ARHGAP32: variants seen among roughly 807,000 people sequenced by gnomAD.
ARHGAP32 encodes the protein rho GTPase-activating protein 32.
A neutral mutation model predicts 186.5 loss-of-function variants in ARHGAP32; 51 were observed. The ratio of observed to expected loss-of-function variants is 0.27; its 90% CI spans 0.22 to 0.35. The LOEUF (loss-of-function observed/expected upper bound fraction) is 0.35. ARHGAP32 is among the 10% of genes least tolerant of loss of function. The probability of loss-of-function intolerance (pLI) is 1.00; values close to 1 mark genes in which losing one functional copy is unlikely to be tolerated. For synonymous variants in ARHGAP32, 950 were observed against 964.3 expected, an observed-to-expected ratio of 0.99 and a Z score of 0.27; for missense variants, 2,186 against 2,623.5, an observed-to-expected ratio of 0.83 and a Z score of 3.64.
intron 6 of ARHGAP32, among the ~76,000 whole-genome samples, chr11:129,090,095 C>A (rs1483214214): frequency 1.3e-5 from 2 of 152,174 alleles, no homozygotes; most frequent in East Asian, 3.8e-4. Context: ...ATGACACCTA[C>A]CTTTCACAGA....
intron 11 of ARHGAP32, among the ~76,000 whole-genome samples, chr11:129,014,512 G>A (rs1479709681): frequency 4.6e-5 from 7 of 152,112 alleles, no homozygotes; most frequent in African/African-American, 1.7e-4. Flanking sequence ...AATTTCTGAG[G>A]GTGTATAGGA....
intron 6 of ARHGAP32, among the ~76,000 whole-genome samples, chr11:129,084,685 C>T (rs779854087): frequency 4.6e-5 from 7 of 152,146 alleles, no homozygotes; most frequent in Non-Finnish European, 1.0e-4. Context: ...CTACAAAAAA[C>T]GTACAGCTAA....
At chr11:129,196,266 A>G (rs1944388843), upstream of ARHGAP32, among the ~76,000 whole-genome samples, 2 of 152,186 alleles carry the variant, frequency 1.3e-5, no homozygotes, top group African/African-American at 2.4e-5. Context: ...TTCCGTATGC[A>G]TGGGTTCTGC....
At chr11:129,034,851 T>TA (rs35010486) in intron 11 of ARHGAP32, among the ~76,000 whole-genome samples, 21,600 of 137,052 alleles carry the variant, frequency 0.16, 1,811 homozygotes, top group African/African-American at 0.25. Flanking sequence ...GAAAACAGAG[T>TA]AAAAAAAAAA....
intron 1 of ARHGAP32, among the ~76,000 whole-genome samples, chr11:129,209,547 G>T (rs892848658): frequency 1.3e-5 from 2 of 152,022 alleles, no homozygotes; most frequent in Non-Finnish European, 2.9e-5. Flanking sequence ...TGCCTTGACA[G>T]GAGCTGAATT....
At chr11:129,035,034 AACAAAC>A (rs1185457730) in intron 11 of ARHGAP32, among the ~76,000 whole-genome samples, 2 of 152,180 alleles carry the variant, frequency 1.3e-5, no homozygotes, top group East Asian at 3.8e-4. Flanking sequence ...TTGCAAGCAA[AACAAAC>A]ACAAAGAAAA....
chr11:129,170,259 CATAGGT>C (rs1943731253), intron 1 of ARHGAP32, among the ~76,000 whole-genome samples: 1 of 146,374 alleles, frequency 6.8e-6, no homozygotes. Context: ...AGGTTTGTTA[CATAGGT>C]ATACATGTGC....
intron 10 of ARHGAP32, among the ~76,000 whole-genome samples, chr11:129,058,188 TACACACACACACAC>T (rs58479028): frequency 6.0e-5 from 8 of 133,920 alleles, no homozygotes; most frequent in South Asian, 4.8e-4. Context: ...AAAAAAAATA[TACACACACACACAC>T]ACACACACAC....
At chr11:129,106,726 G>T (rs1036120387) in intron 5 of ARHGAP32, among the ~76,000 whole-genome samples, 1 of 152,032 alleles carries the variant, frequency 6.6e-6, no homozygotes, top group African/African-American at 2.4e-5. Context: ...CTCAACAACA[G>T]ATTTGATCAA....
chr11:128,997,642 C>T (rs925044628), intron 12 of ARHGAP32, among the ~76,000 whole-genome samples: 1 of 151,994 alleles, frequency 6.6e-6, no homozygotes, highest in African/African-American at 2.4e-5. Context: ...TCCTATCCAT[C>T]CCCCCATCCA....
chr11:129,004,347 T>C (rs1252954326), intron 11 of ARHGAP32, among the ~76,000 whole-genome samples: 1 of 151,584 alleles, frequency 6.6e-6, no homozygotes, highest in African/African-American at 2.4e-5. Context: ...ATATGTATTC[T>C]GCAGCTGTTG....
At chr11:129,080,149 T>C (rs1000325694) in intron 6 of ARHGAP32, among the ~76,000 whole-genome samples, 2 of 152,028 alleles carry the variant, frequency 1.3e-5, no homozygotes, top group Non-Finnish European at 2.9e-5. Flanking sequence ...AACACAGTAA[T>C]AGTGGGGGAC....
rs548498992 is a variant in ARHGAP32, at chr11:129,179,805, G to C, written c.116+12278C>G. The stretch of plus-strand genomic sequence containing the variant: ...TCTGGGGACTGTTGTGGGGTGGGGG[G>C]ACGGGGGAGGGATAGCATTGGGAGA... On this transcript the variant is annotated intron_variant, in intron 1 of 22. Coordinates refer to ENST00000682385, the MANE Select transcript of ARHGAP32 (RefSeq NM_001378024.1). Among the ~76,000 whole-genome samples, 274 of 150,890 alleles carry C rather than the reference G, an allele frequency of 1.8e-3. 3 individuals are homozygous for C. Among genetic ancestry groups the C allele is most frequent in the African/African-American group, 6.4e-3 (263 of 41,036 alleles).
intron 1 of ARHGAP32, among the ~76,000 whole-genome samples, chr11:129,171,549 T>A (rs1191236054): frequency 6.6e-6 from 1 of 152,188 alleles, no homozygotes; most frequent in Non-Finnish European, 1.5e-5. Context: ...TTGGTACCAG[T>A]ACCCTGCTGT....
At chr11:129,040,427 T>C (rs1939544274) in intron 11 of ARHGAP32, among the ~76,000 whole-genome samples, 1 of 152,194 alleles carries the variant, frequency 6.6e-6, no homozygotes, top group Non-Finnish European at 1.5e-5. Context: ...AAATTCACAT[T>C]TTCTTGATTT....
At chr11:129,076,285 G>A (rs1444131010) in intron 6 of ARHGAP32, among the ~76,000 whole-genome samples, 1 of 152,174 alleles carries the variant, frequency 6.6e-6, no homozygotes, top group African/African-American at 2.4e-5. Context: ...CCAACGAGCG[G>A]CCCATGCTGT....
At chr11:129,263,132 AG>A (rs1304186343) in intron 1 of ARHGAP32, among the ~76,000 whole-genome samples, 1 of 152,206 alleles carries the variant, frequency 6.6e-6, no homozygotes, top group Non-Finnish European at 1.5e-5. Flanking sequence ...GAGCTATGGA[AG>A]TCTTAGAAGA....
intron 1 of ARHGAP32, among the ~76,000 whole-genome samples, chr11:129,204,430 GA>G (rs1192397529): frequency 6.6e-6 from 1 of 151,744 alleles, no homozygotes; most frequent in Non-Finnish European, 1.5e-5. Flanking sequence ...AAAAAGAAAA[GA>G]AAAAAAAGTT....
chr11:129,147,054 T>C (rs1268395383), intron 2 of ARHGAP32, among the ~76,000 whole-genome samples: 2 of 152,086 alleles, frequency 1.3e-5, no homozygotes, highest in Non-Finnish European at 2.9e-5. Context: ...TCTAATCTCA[T>C]TTATACTGTT....
Sources: allele counts gnomAD v4.1 joint callset (sites outside exome capture counted in the v4.1 genomes callset), GRCh38; gene constraint gnomAD v4.1.1; transcripts MANE v1.5; gene names NCBI Gene and HGNC (gene_info 2026-07-23, HGNC 2026-07-21).